RNF6: variants seen among roughly 807,000 people sequenced by gnomAD.
RNF6 encodes ring finger protein 6, also known as E3 ubiquitin-protein ligase RNF6.
A neutral mutation model predicts 50.1 loss-of-function variants in RNF6; 21 were observed. The observed-to-expected ratio is 0.42, with a 90% CI of 0.30 to 0.60. The LOEUF is 0.60. RNF6 is among the 20% of genes least tolerant of loss of function. The probability of loss-of-function intolerance (pLI) is 0.20; values close to 1 mark genes in which losing one functional copy is unlikely to be tolerated. For missense variants in RNF6, 698 were observed against 838.2 expected, an observed-to-expected ratio of 0.83 and a Z score of 2.07; for synonymous variants, 255 against 291.8, an observed-to-expected ratio of 0.87 and a Z score of 1.29.
At chr13:26,209,808 A>G (rs1869249305), downstream of RNF6, among the ~76,000 whole-genome samples, 1 of 150,326 alleles carries the variant, frequency 6.7e-6, no homozygotes, top group African/African-American at 2.4e-5. Context: ...TATACTGGGC[A>G]GCCAAGAAGT....
At position 26,213,746 on chromosome 13, in the gene RNF6, A is replaced by G. The variant is rs990383358; in HGVS notation, c.*78T>C. 1.7e-6 allele frequency: 2 copies of G among 1,168,440 alleles called. No homozygotes were observed. Among genetic ancestry groups the G allele is most frequent in the Admixed American group, 2.5e-5 (1 of 40,622 alleles). The allele number at this position is 1,168,440 out of a possible 1,614,324, so 72.4% of individuals were successfully genotyped here. The stretch of plus-strand genomic sequence containing the variant: ...CTGTTATTTTTCATCCTGGTTAGCT[A>G]ATCACAAATAACTCAGCAAAACAAT... On this transcript the variant is annotated 3_prime_UTR_variant, in exon 5 of 5. Transcript: ENST00000381588.
At chr13:26,218,474 A>G in intron 4 of RNF6, 37 bp downstream of exon 4, 2 of 1,516,256 alleles carry the variant, frequency 1.3e-6, no homozygotes, top group African/African-American at 2.7e-5. Flanking sequence ...AAGTGCTCCA[A>G]TCAAGCCTGT....
At chr13:26,148,642 A>ATATATATT (rs1343911670) in intron 5 of RNF6, among the ~76,000 whole-genome samples, 11 of 98,064 alleles carry the variant, frequency 1.1e-4, no homozygotes, top group Admixed American at 7.7e-4. Flanking sequence ...TTATATATAT[A>ATATATATT]TATATATATA....
At chr13:26,140,925 G>A (rs962268907) in intron 5 of RNF6, among the ~76,000 whole-genome samples, 1 of 152,144 alleles carries the variant, frequency 6.6e-6, no homozygotes, top group African/African-American at 2.4e-5. Context: ...ATCTAAGGAG[G>A]TGAAAGATCT....
intron 5 of RNF6, among the ~76,000 whole-genome samples, chr13:26,154,619 CCTAT>C (rs1227904299): frequency 6.6e-6 from 1 of 152,142 alleles, no homozygotes; most frequent in Non-Finnish European, 1.5e-5. Flanking sequence ...AAGATACCTG[CCTAT>C]CTGATAGAGC....
chr13:26,176,705 G>T (rs373720688), intron 5 of RNF6, among the ~76,000 whole-genome samples: 3 of 152,240 alleles, frequency 2.0e-5, no homozygotes, highest in South Asian at 2.1e-4. Flanking sequence ...GGCCGAGGCA[G>T]GTGGAACACC....
chr13:26,147,708 G>T (rs980940272), intron 5 of RNF6, among the ~76,000 whole-genome samples: 1 of 152,152 alleles, frequency 6.6e-6, no homozygotes, highest in African/African-American at 2.4e-5. Flanking sequence ...AGTTTAATTT[G>T]TGTTATTCTT....
chr13:26,141,953 G>T (rs1433533134), intron 5 of RNF6, among the ~76,000 whole-genome samples: 1 of 152,032 alleles, frequency 6.6e-6, no homozygotes, highest in Non-Finnish European at 1.5e-5. Context: ...TTCATGATGG[G>T]ATAAAATATT....
intron 5 of RNF6, among the ~76,000 whole-genome samples, chr13:26,196,985 T>C (rs1240771619): frequency 6.6e-6 from 1 of 151,912 alleles, no homozygotes; most frequent in Non-Finnish European, 1.5e-5. Flanking sequence ...TTTATATATA[T>C]GAAGTGAGAA....
chr13:26,187,420 G>C (rs75026201), intron 5 of RNF6, among the ~76,000 whole-genome samples: 1 of 152,130 alleles, frequency 6.6e-6, no homozygotes, highest in Non-Finnish European at 1.5e-5. Context: ...TGGTGTGCAA[G>C]AAAAATGCCT....
At chr13:26,211,668 G>T (rs1288023835), downstream of RNF6, among the ~76,000 whole-genome samples, 1 of 152,164 alleles carries the variant, frequency 6.6e-6, no homozygotes, top group Non-Finnish European at 1.5e-5. Context: ...TGAGGCAGGA[G>T]AATTGCTTGA....
intron 5 of RNF6, among the ~76,000 whole-genome samples, chr13:26,148,632 T>TTATATATATATATATATA (rs57373126): frequency 6.8e-4 from 32 of 47,056 alleles, no homozygotes; most frequent in Admixed American, 1.8e-3. Flanking sequence ...ATAAATCTCT[T>TTATATATATATATATATA]TATATATATA....
At chr13:26,136,826 T>G (rs930056277) in intron 5 of RNF6, among the ~76,000 whole-genome samples, 3 of 151,924 alleles carry the variant, frequency 2.0e-5, no homozygotes, top group Admixed American at 6.6e-5. Context: ...AAAAACACAA[T>G]GAGAAAACTG....
At chr13:26,207,547 T>G (rs1459171763) in intron 5 of RNF6, among the ~76,000 whole-genome samples, 2 of 152,196 alleles carry the variant, frequency 1.3e-5, no homozygotes, top group Non-Finnish European at 2.9e-5. Context: ...GCAGGTTGAT[T>G]CATTGGGTAG....
At position 26,213,526 on chromosome 13, in the gene RNF6, T is replaced by C. The variant is rs1208562342; in HGVS notation, c.*298A>G. The C allele has an allele frequency of 7.4e-5, 16 of 215,852 alleles. No homozygotes were observed. The highest frequency in any genetic ancestry group is 1.5e-4 in the Non-Finnish European group (16 of 110,162). 13.4% of individuals were successfully genotyped at this position (215,852 alleles called of 1,614,324 possible). On this transcript the variant is annotated 3_prime_UTR_variant, in exon 5 of 5. Transcript: ENST00000381588. ...AAAAGAAGATTGATTCTTAACCTAC[T>C]GAATTGTGCAGATACAAAAGTGCTT...
At chr13:26,178,295 A>G (rs1223858795) in intron 5 of RNF6, among the ~76,000 whole-genome samples, 1 of 152,186 alleles carries the variant, frequency 6.6e-6, no homozygotes. Flanking sequence ...CCCAGCAGTC[A>G]GTGTCTTGGG....
rs1566414148 is a variant in RNF6 at position 26,160,547 on chromosome 13, T to TC, written n.769-28097_769-28096insG. The stretch of plus-strand genomic sequence containing the variant: ...CCTATCTTCTTCTCTTCTTCTTCTT[T>TC]TTTTTTTTTTTTTTTTTGGACATTT... On this transcript the variant is annotated intron_variant and non_coding_transcript_variant, in intron 5 of 5. Transcript: ENST00000468480. Among the ~76,000 whole-genome samples, 213 of 129,828 alleles carry TC rather than the reference T, an allele frequency of 1.6e-3. 1 individual carries two copies. The highest frequency in any genetic ancestry group is 6.0e-3 in the African/African-American group (202 of 33,828). 85.2% of individuals were successfully genotyped at this position (129,828 alleles called of 152,430 possible). A position where few individuals can be genotyped will look rare whatever the true frequency, so the allele number is the denominator to read the frequency against.
chr13:26,158,522 T>A lies in RNF6; in HGVS notation n.769-26071A>T, dbSNP rs141482895. On this transcript the variant is annotated intron_variant and non_coding_transcript_variant, in intron 5 of 5. Transcript: ENST00000468480. ...GTGAAAGTTGGTCTATTTATAAATA[T>A]CTACTAGTAAAAAATGGTTAAGAAA... Among the ~76,000 whole-genome samples, 3 of 152,324 alleles carry A rather than the reference T, an allele frequency of 2.0e-5. No individual in the cohort carries two copies. In the East Asian group the frequency reaches 5.8e-4, roughly 29 times the overall value.
intron 5 of RNF6, among the ~76,000 whole-genome samples, chr13:26,150,187 C>T (rs1481940570): frequency 1.3e-5 from 2 of 151,744 alleles, no homozygotes; most frequent in Admixed American, 1.3e-4. Context: ...TTGTTAAACG[C>T]ACAATGAGCA....
Sources: allele counts gnomAD v4.1 joint callset (sites outside exome capture counted in the v4.1 genomes callset), GRCh38; gene constraint gnomAD v4.1.1; transcripts MANE v1.5; gene names NCBI Gene and HGNC (gene_info 2026-07-23, HGNC 2026-07-21).